The following VRK2 variants were observed in gnomAD, a reference collection of about 807,000 sequenced individuals.
The protein encoded by VRK2 is VRK serine/threonine kinase 2, also known as serine/threonine-protein kinase VRK2.
In VRK2, 60 loss-of-function variants were observed where a neutral mutation model predicts 57.6. That is an observed-to-expected ratio of 1.04 (90% CI 0.85 to 1.29). The LOEUF is 1.29. Among genes scored for constraint, VRK2 ranks in the 50% most tolerant of loss-of-function variants. VRK2 has a pLI of 0.00. For missense variants in VRK2, 705 were observed against 588.1 expected (o/e 1.20, Z -2.06); for synonymous variants, 231 against 199.2 (o/e 1.16, Z -1.35).
chr2:58,108,106 A>T (rs962690360), intron 7 of VRK2, among the ~76,000 whole-genome samples: 1 of 152,168 alleles, frequency 6.6e-6, no homozygotes, highest in Non-Finnish European at 1.5e-5. Flanking sequence ...TGCTTTTGGT[A>T]CAGAAGTGAT....
At chr2:58,072,121 G>C (rs1558596153) in intron 2 of VRK2, among the ~76,000 whole-genome samples, 1 of 151,892 alleles carries the variant, frequency 6.6e-6, no homozygotes, top group African/African-American at 2.4e-5. Context: ...TATTAAATTT[G>C]TATTCTGCAA....
chr2:58,110,820 T>A (rs897266913), intron 7 of VRK2, among the ~76,000 whole-genome samples: 2 of 152,044 alleles, frequency 1.3e-5, no homozygotes, highest in African/African-American at 4.8e-5. Flanking sequence ...TCTGACAAAA[T>A]CTCAGTGCCC....
In VRK2 at chr2:58,113,182, G is replaced by A. The variant is rs189707393; in HGVS notation, c.544-9919G>A. On this transcript the variant is annotated intron_variant, in intron 7 of 12. Coordinates refer to ENST00000340157, the MANE Select transcript of VRK2 (RefSeq NM_006296.7). Reference sequence around the variant, plus strand: ...AAATTAGCTGGGCGTGGTGGCACACGGCTGTAATCCCAGCTACTCAGGAGG... The same window carrying A: ...AAATTAGCTGGGCGTGGTGGCACACAGCTGTAATCCCAGCTACTCAGGAGG... Among the ~76,000 whole-genome samples the A allele has an allele frequency of 1.2e-4, 18 of 152,006 alleles. No homozygotes were observed. The East Asian group carries it at 2.7e-3, about 23-fold the overall frequency.
intron 7 of VRK2, among the ~76,000 whole-genome samples, chr2:58,117,950 A>C (rs970394263): frequency 9.2e-5 from 14 of 152,036 alleles, no homozygotes; most frequent in Admixed American, 3.3e-4. Context: ...AGAAAAGCAG[A>C]GAAAGGGTTG....
intron 2 of VRK2, among the ~76,000 whole-genome samples, chr2:58,076,388 A>C (rs759395678): frequency 8.5e-5 from 13 of 152,076 alleles, no homozygotes; most frequent in Admixed American, 2.6e-4. Context: ...ATTTTCTAAT[A>C]AAGTGTTGAG....
At chr2:58,116,423 TA>T (rs1249457753) in intron 7 of VRK2, among the ~76,000 whole-genome samples, 6 of 151,646 alleles carry the variant, frequency 4.0e-5, no homozygotes, top group African/African-American at 1.5e-4. Context: ...TGGGGATAAC[TA>T]AAAAAGAGTG....
At chr2:58,132,587 A>T (rs1403655687) in intron 9 of VRK2, among the ~76,000 whole-genome samples, 1 of 152,186 alleles carries the variant, frequency 6.6e-6, no homozygotes, top group Non-Finnish European at 1.5e-5. Context: ...AATTGCATAG[A>T]GCACAGAATA....
Position 58,159,744 on chromosome 2 carries a change from C to A in VRK2, c.*51C>A, listed in dbSNP as rs756362960. On this transcript the variant is annotated 3_prime_UTR_variant, in exon 13 of 13. Coordinates refer to ENST00000340157, the MANE Select transcript of VRK2 (RefSeq NM_006296.7). The stretch of plus-strand genomic sequence containing the variant: ...AATTTTTTAAGTTTCCAGCTCTTCA[C>A]CGAAATGTTGTATTCTTATTTCAGT... 10 of 1,612,810 alleles carry A rather than the reference C, an allele frequency of 6.2e-6. No homozygotes were observed. The highest frequency in any genetic ancestry group is 3.3e-5 in the Admixed American group (2 of 59,900).
chr2:57,914,641 T>C (rs1206454287), intron 1 of VRK2, among the ~76,000 whole-genome samples: 2 of 152,112 alleles, frequency 1.3e-5, no homozygotes, highest in Admixed American at 1.3e-4. Flanking sequence ...AGACTTCTCA[T>C]TTAAGGTCAC....
chr2:57,987,875 C>T (rs968493952), intron 1 of VRK2, among the ~76,000 whole-genome samples: 2 of 152,164 alleles, frequency 1.3e-5, no homozygotes, highest in Admixed American at 1.3e-4. Flanking sequence ...ATGTGTCATG[C>T]TGAGTGTGAG....
intron 1 of VRK2, among the ~76,000 whole-genome samples, chr2:57,931,802 G>A (rs1670733966): frequency 7.2e-6 from 1 of 138,410 alleles, no homozygotes; most frequent in African/African-American, 2.8e-5. Flanking sequence ...GTGTAACATA[G>A]GGATCAACTT....
chr2:57,993,500 C>G (rs920673062), intron 1 of VRK2, among the ~76,000 whole-genome samples: 2 of 151,132 alleles, frequency 1.3e-5, no homozygotes, highest in Non-Finnish European at 2.9e-5. Context: ...AAAAAAGTAG[C>G]AAAAACTGTT....
intron 1 of VRK2, among the ~76,000 whole-genome samples, chr2:57,934,546 A>T (rs1323784574): frequency 1.3e-5 from 2 of 152,102 alleles, no homozygotes; most frequent in Non-Finnish European, 2.9e-5. Flanking sequence ...TGTCTTGGTA[A>T]AGTCTTCGTC....
intron 12 of VRK2, among the ~76,000 whole-genome samples, chr2:58,156,900 G>A (rs1395349592): frequency 6.6e-6 from 1 of 152,120 alleles, no homozygotes; most frequent in Non-Finnish European, 1.5e-5. Context: ...CTCATTTGTA[G>A]TAGTTTTATT....
At chr2:57,931,882 T>C (rs1408071218) in intron 1 of VRK2, among the ~76,000 whole-genome samples, 1 of 152,020 alleles carries the variant, frequency 6.6e-6, no homozygotes, top group Non-Finnish European at 1.5e-5. Flanking sequence ...GACTACCTTT[T>C]ACTTATTGTG....
chr2:58,077,212 G>A (rs918609282), intron 2 of VRK2, among the ~76,000 whole-genome samples: 1 of 151,328 alleles, frequency 6.6e-6, no homozygotes, highest in Non-Finnish European at 1.5e-5. Context: ...TTCTTTATAG[G>A]CTTTAAATAC....
chr2:57,924,941 G>T (rs984945394), intron 1 of VRK2, among the ~76,000 whole-genome samples: 1 of 151,786 alleles, frequency 6.6e-6, no homozygotes, highest in Admixed American at 6.6e-5. Flanking sequence ...ATTATCAAAT[G>T]CATTTTCAGC....
chr2:58,121,356 G>A (rs931381413), intron 7 of VRK2, among the ~76,000 whole-genome samples: 2 of 152,046 alleles, frequency 1.3e-5, no homozygotes, highest in African/African-American at 4.8e-5. Flanking sequence ...TCATTTTTCT[G>A]ATATCTGCTT....
At chr2:58,102,827 T>C (rs1674192247) in intron 7 of VRK2, among the ~76,000 whole-genome samples, 2 of 151,674 alleles carry the variant, frequency 1.3e-5, no homozygotes, top group African/African-American at 4.8e-5. Context: ...ATAGACTGTA[T>C]GTTAGGCCAC....
Sources: gnomAD v4.1 joint callset for allele counts (sites outside exome capture counted in the v4.1 genomes callset) on GRCh38, gnomAD v4.1.1 for gene constraint, MANE v1.5 for transcripts, NCBI Gene and HGNC (gene_info 2026-07-23, HGNC 2026-07-21) for gene names.